The following DTNB variants were observed in gnomAD, a reference collection of about 807,000 sequenced individuals.
DTNB encodes the protein DTN-B.
In DTNB, 63 loss-of-function variants were observed where a neutral mutation model predicts 90.7. The ratio of observed to expected loss-of-function variants is 0.69; its 90% CI spans 0.57 to 0.86. The LOEUF is 0.86. Among genes scored for constraint, DTNB ranks in the 40% least tolerant of loss-of-function variants. The pLI, the probability that DTNB is intolerant of heterozygous loss-of-function variation, is 0.00. For synonymous variants in DTNB, 277 were observed against 286.7 expected, an observed-to-expected ratio of 0.97 and a Z score of 0.34; for missense variants, 744 against 807.1, an observed-to-expected ratio of 0.92 and a Z score of 0.95.
intron 16 of DTNB, 198 bp from the exon 17 acceptor site, chr2:25,388,559 C>A: frequency 1.5e-6 from 1 of 649,300 alleles, no homozygotes; most frequent in East Asian, 3.0e-5. Flanking sequence ...AGGGGGCGTG[C>A]AGGGCAGAGA....
At chr2:25,466,786 G>A (rs1334732167) in intron 10 of DTNB, among the ~76,000 whole-genome samples, 1 of 152,220 alleles carries the variant, frequency 6.6e-6, no homozygotes, top group Non-Finnish European at 1.5e-5. Context: ...AGAATTTGGG[G>A]AATATTACAA....
intron 15 of DTNB, among the ~76,000 whole-genome samples, chr2:25,422,127 C>A (rs1409127046): frequency 6.6e-6 from 1 of 152,142 alleles, no homozygotes; most frequent in Admixed American, 6.5e-5. Context: ...TAAATATTGA[C>A]TGATGACAAG....
chr2:25,474,028 G>T (rs2063300390), intron 10 of DTNB, among the ~76,000 whole-genome samples: 1 of 152,210 alleles, frequency 6.6e-6, no homozygotes, highest in Non-Finnish European at 1.5e-5. Flanking sequence ...TTATGCTTCT[G>T]TCAGCTTCTA....
chr2:25,484,387 G>C (rs997782633), intron 9 of DTNB, among the ~76,000 whole-genome samples: 2 of 152,190 alleles, frequency 1.3e-5, no homozygotes, highest in African/African-American at 4.8e-5. Flanking sequence ...TGTTTCTGGA[G>C]AGGTTATACT....
At chr2:25,481,263 G>A (rs1393663628) in intron 10 of DTNB, among the ~76,000 whole-genome samples, 1 of 151,982 alleles carries the variant, frequency 6.6e-6, no homozygotes, top group Non-Finnish European at 1.5e-5. Context: ...AAATTAGCTA[G>A]GTATGGTGGC....
intron 4 of DTNB, among the ~76,000 whole-genome samples, chr2:25,619,995 G>A (rs968393077): frequency 1.1e-4 from 16 of 151,946 alleles, no homozygotes; most frequent in Non-Finnish European, 1.3e-4. Flanking sequence ...AGCTGAGATC[G>A]CGCCACTGCA....
chr2:25,512,881 GAAGAT>G (rs1190869477), intron 9 of DTNB, among the ~76,000 whole-genome samples: 2 of 152,214 alleles, frequency 1.3e-5, no homozygotes, highest in African/African-American at 2.4e-5. Context: ...ATTAGTAGTA[GAAGAT>G]AAGATTCCAA....
chr2:25,433,253 A>G (rs1307294714), intron 13 of DTNB, among the ~76,000 whole-genome samples: 1 of 152,234 alleles, frequency 6.6e-6, no homozygotes, highest in East Asian at 1.9e-4. Context: ...TCTCCAAGAA[A>G]GGAAAATTAC....
At chr2:25,433,540 GGA>G (rs1484846407) in intron 13 of DTNB, among the ~76,000 whole-genome samples, 1 of 150,776 alleles carries the variant, frequency 6.6e-6, no homozygotes, top group Admixed American at 6.6e-5. Flanking sequence ...TTTTTTTTAA[GGA>G]GAGACCAGAC....
intron 16 of DTNB, among the ~76,000 whole-genome samples, chr2:25,400,052 A>C (rs537158263): frequency 6.6e-6 from 1 of 152,312 alleles, no homozygotes; most frequent in African/African-American, 2.4e-5. Context: ...CTGGCCACGT[A>C]GGCCTTGTAC....
chr2:25,427,921 G>GC, intron 14 of DTNB: 1 of 210,280 alleles, frequency 4.8e-6, no homozygotes, highest in South Asian at 1.2e-4. Context: ...GAAAATCAAT[G>GC]CCTTTTGAAA....
chr2:25,625,060 G>A (rs1158081530), intron 4 of DTNB, among the ~76,000 whole-genome samples: 1 of 152,180 alleles, frequency 6.6e-6, no homozygotes. Context: ...CGTTGTTGTA[G>A]GGTCTTATAC....
intron 3 of DTNB, among the ~76,000 whole-genome samples, chr2:25,636,534 C>T (rs1044075746): frequency 5.3e-5 from 8 of 152,070 alleles, no homozygotes; most frequent in Admixed American, 4.6e-4. Context: ...CAGTGGTTTT[C>T]GAACTTTTTG....
chr2:25,593,405 C>G (rs2063933803), intron 6 of DTNB, among the ~76,000 whole-genome samples: 1 of 152,210 alleles, frequency 6.6e-6, no homozygotes, highest in Non-Finnish European at 1.5e-5. Context: ...ACGCAAAACT[C>G]ATTGAATTTA....
At chr2:25,405,308 A>G (rs941884546) in intron 16 of DTNB, among the ~76,000 whole-genome samples, 5 of 152,180 alleles carry the variant, frequency 3.3e-5, no homozygotes, top group African/African-American at 1.2e-4. Context: ...TGGGAGGCTG[A>G]GGCGGGCAGA....
intron 9 of DTNB, among the ~76,000 whole-genome samples, chr2:25,522,867 A>G (rs1215852734): frequency 1.3e-5 from 2 of 151,894 alleles, no homozygotes; most frequent in East Asian, 1.9e-4. Context: ...CGCCCAGTTA[A>G]TTTTTGTATT....
chr2:25,561,542 T>C (rs2058261187), intron 8 of DTNB, among the ~76,000 whole-genome samples: 1 of 152,220 alleles, frequency 6.6e-6, no homozygotes, highest in Non-Finnish European at 1.5e-5. Flanking sequence ...TGAAATGTGA[T>C]TCCCAGTGTT....
At chr2:25,475,826 A>G (rs2063628840) in intron 10 of DTNB, among the ~76,000 whole-genome samples, 1 of 152,188 alleles carries the variant, frequency 6.6e-6, no homozygotes, top group Admixed American at 6.5e-5. Flanking sequence ...GCACTCCATA[A>G]AAGGAAGAAT....
At chr2:25,639,692 C>T (rs927394022) in intron 2 of DTNB, among the ~76,000 whole-genome samples, 5 of 152,180 alleles carry the variant, frequency 3.3e-5, no homozygotes, top group Middle Eastern at 3.4e-3. Flanking sequence ...TCTAGAGATT[C>T]TTTCCTTCCA....
Sources: allele counts gnomAD v4.1 joint callset (sites outside exome capture counted in the v4.1 genomes callset), GRCh38; gene constraint gnomAD v4.1.1; transcripts MANE v1.5; gene names NCBI Gene and HGNC (gene_info 2026-07-23, HGNC 2026-07-21).